ARHGAP26: variants seen among roughly 807,000 people sequenced by gnomAD.
The protein encoded by ARHGAP26 is rho GTPase-activating protein 26.
ARHGAP26 carries 38 observed loss-of-function variants against 104.8 expected under a neutral mutation model. The observed-to-expected ratio is 0.36, with a 90% CI of 0.28 to 0.48. ARHGAP26 has a LOEUF of 0.48. ARHGAP26 is among the 20% of genes least tolerant of loss of function. The probability of loss-of-function intolerance (pLI) is 0.99; values close to 1 mark genes in which losing one functional copy is unlikely to be tolerated. For missense variants in ARHGAP26, 704 were observed against 947.9 expected, an observed-to-expected ratio of 0.74 and a Z score of 3.38; for synonymous variants, 341 against 340.0, an observed-to-expected ratio of 1.00 and a Z score of -0.03.
chr5:142,844,732 A>G (rs1771572234), intron 1 of ARHGAP26, among the ~76,000 whole-genome samples: 1 of 151,874 alleles, frequency 6.6e-6, no homozygotes, highest in East Asian at 1.9e-4. Flanking sequence ...GTGGGCTCCT[A>G]TAATCCCAGC....
At chr5:143,186,064 A>G (rs1055385023) in intron 20 of ARHGAP26, among the ~76,000 whole-genome samples, 5 of 152,192 alleles carry the variant, frequency 3.3e-5, no homozygotes, top group African/African-American at 4.8e-5. Context: ...AGCTATTGCA[A>G]TGGCCCACCT....
intron 10 of ARHGAP26, among the ~76,000 whole-genome samples, chr5:142,931,201 AGAG>A (rs974768383): frequency 3.9e-5 from 6 of 152,206 alleles, no homozygotes; most frequent in Non-Finnish European, 5.9e-5. Flanking sequence ...CATTTGAGGG[AGAG>A]GAGGAGGTGG....
At chr5:142,890,299 G>A (rs1161261832) in intron 5 of ARHGAP26, among the ~76,000 whole-genome samples, 1 of 149,648 alleles carries the variant, frequency 6.7e-6, no homozygotes, top group Non-Finnish European at 1.5e-5. Flanking sequence ...TGTTTATCTA[G>A]GAGAAGAGGT....
rs141541115 is a variant in ARHGAP26 at position 143,074,340 on chromosome 5, C to A, written c.1538+16593C>A. Among the ~76,000 whole-genome samples, 195 of 152,316 alleles carry A rather than the reference C, an allele frequency of 1.3e-3. 1 individual carries two copies. Among genetic ancestry groups the A allele is most frequent in the African/African-American group, 4.4e-3 (183 of 41,576 alleles). On this transcript the variant is annotated intron_variant, in intron 17 of 22. Coordinates refer to ENST00000645722, the MANE Select transcript of ARHGAP26 (RefSeq NM_001135608.3). ...CTTTTCGTCCATTATAGAACTTTCTCTTCTCTTTTACTTCTCCTTCATCTA... is the reference window on the plus strand; with the variant it reads ...CTTTTCGTCCATTATAGAACTTTCTATTCTCTTTTACTTCTCCTTCATCTA...
intron 11 of ARHGAP26, among the ~76,000 whole-genome samples, chr5:143,013,021 A>G (rs1467829297): frequency 2.0e-5 from 3 of 152,094 alleles, no homozygotes; most frequent in Non-Finnish European, 2.9e-5. Flanking sequence ...GAGATGGGCA[A>G]ACTGTGATCC....
chr5:142,773,939 C>T (rs1421624085), intron 1 of ARHGAP26, among the ~76,000 whole-genome samples: 2 of 152,196 alleles, frequency 1.3e-5, no homozygotes, highest in Non-Finnish European at 2.9e-5. Context: ...AAGCCTGTCA[C>T]CCTTTTGTAC....
chr5:143,143,115 T>C (rs535516484), intron 19 of ARHGAP26, among the ~76,000 whole-genome samples: 1 of 152,248 alleles, frequency 6.6e-6, no homozygotes, highest in Non-Finnish European at 1.5e-5. Context: ...TTAGGCACCA[T>C]GGAAAGTTGG....
intron 12 of ARHGAP26, among the ~76,000 whole-genome samples, chr5:143,015,588 A>G (rs1456350091): frequency 6.6e-6 from 1 of 152,228 alleles, no homozygotes; most frequent in Non-Finnish European, 1.5e-5. Context: ...GGAACAGAGT[A>G]GTTTCCCAGA....
chr5:143,087,243 C>T (rs536238436), intron 17 of ARHGAP26, among the ~76,000 whole-genome samples: 1 of 152,228 alleles, frequency 6.6e-6, no homozygotes, highest in South Asian at 2.1e-4. Flanking sequence ...TGTAAGCCTC[C>T]CCTGTTTTCT....
chr5:143,174,238 A>G (rs896083250), intron 20 of ARHGAP26, among the ~76,000 whole-genome samples: 2 of 152,228 alleles, frequency 1.3e-5, no homozygotes, highest in Non-Finnish European at 2.9e-5. Context: ...GTTGTTGTAC[A>G]TCTCCACAAT....
chr5:143,122,338 T>G (rs544341341), intron 18 of ARHGAP26, among the ~76,000 whole-genome samples: 3 of 152,336 alleles, frequency 2.0e-5, no homozygotes, highest in African/African-American at 7.2e-5. Flanking sequence ...CAGTTGCTGT[T>G]CCCAGTGGTT....
intron 10 of ARHGAP26, among the ~76,000 whole-genome samples, chr5:142,914,309 C>T (rs563635305): frequency 6.6e-6 from 1 of 152,204 alleles, no homozygotes; most frequent in Non-Finnish European, 1.5e-5. Context: ...ATCAGAAATT[C>T]GTGGAAACTA....
intron 17 of ARHGAP26, among the ~76,000 whole-genome samples, chr5:143,098,228 T>C (rs1210402963): frequency 6.6e-6 from 1 of 152,218 alleles, no homozygotes; most frequent in Non-Finnish European, 1.5e-5. Context: ...GTTCAGACCA[T>C]GTATTCTTCT....
intron 11 of ARHGAP26, among the ~76,000 whole-genome samples, chr5:142,948,079 C>T (rs891937620): frequency 1.3e-5 from 2 of 152,052 alleles, no homozygotes. Context: ...AAAGAGAACC[C>T]AAGAGCATGT....
Position 142,903,632 on chromosome 5 carries a change from C to G in ARHGAP26, c.795C>G (p.Pro265=), listed in dbSNP as rs77149245. The G allele has an allele frequency of 4.3e-4, 698 of 1,614,020 alleles. No individual in the cohort carries two copies. Among genetic ancestry groups the G allele is most frequent in the Non-Finnish European group, 5.7e-4 (677 of 1,179,942 alleles). The change falls in exon 8 of 23, where the codon CCC becomes CCG. Residue 265 remains proline (P), a synonymous_variant. Transcript: ENST00000645722. ...CCCTTGAGCACAAGACCATCAGTCC[C>G]TACACCATGGAGGGATACCTCTACG... ...ENPLEHKTIS[P]YTMEGYLYVQ... is the part of the protein sequence containing the mutation.
At position 143,010,220 on chromosome 5, in the gene ARHGAP26, A is replaced by G. The variant is rs114606458; in HGVS notation, c.1108-3860A>G. ...ATACCAACCACTGGAGTGACTTGGT[A>G]GTGATATACATTTGCCACTGCCTAG... On this transcript the variant is annotated intron_variant, in intron 11 of 22. Transcript: ENST00000645722. Among the ~76,000 whole-genome samples the G allele has an allele frequency of 7.5e-3, 1,143 of 152,334 alleles. 16 individuals carry two copies. Among genetic ancestry groups the G allele is most frequent in the African/African-American group, 0.024 (1,009 of 41,574 alleles).
At chr5:143,033,830 C>A (rs935534299) in intron 12 of ARHGAP26, among the ~76,000 whole-genome samples, 4 of 152,172 alleles carry the variant, frequency 2.6e-5, no homozygotes, top group Non-Finnish European at 4.4e-5. Flanking sequence ...TCTTAAGCAC[C>A]TCTCAAAAGA....
intron 1 of ARHGAP26, among the ~76,000 whole-genome samples, chr5:142,838,806 A>G (rs554633317): frequency 1.3e-5 from 2 of 152,220 alleles, no homozygotes; most frequent in African/African-American, 4.8e-5. Flanking sequence ...TGAAATTTTC[A>G]TTATACAGAC....
At chr5:142,811,529 C>T (rs1239452720) in intron 1 of ARHGAP26, among the ~76,000 whole-genome samples, 2 of 152,208 alleles carry the variant, frequency 1.3e-5, no homozygotes, top group South Asian at 2.1e-4. Flanking sequence ...AACAAAAAAA[C>T]ACTGTGTGCC....
Sources: gnomAD v4.1 joint callset for allele counts (sites outside exome capture counted in the v4.1 genomes callset) on GRCh38, gnomAD v4.1.1 for gene constraint, MANE v1.5 for transcripts, NCBI Gene and HGNC (gene_info 2026-07-23, HGNC 2026-07-21) for gene names.